The following CXXC5 variants were observed in gnomAD, a reference collection of about 807,000 sequenced individuals.
CXXC5 encodes the protein CXXC finger protein 5.
CXXC5 carries 2 observed loss-of-function variants against 17.6 expected under a neutral mutation model. The observed-to-expected ratio is 0.11, with a 90% CI of 0.05 to 0.36. The LOEUF is 0.36. CXXC5 is among the 10% of genes least tolerant of loss of function. CXXC5 has a pLI of 1.00. For synonymous variants in CXXC5, 171 were observed against 193.0 expected (o/e 0.89, Z 0.94); for missense variants, 343 against 458.3 (o/e 0.75, Z 2.30).
intron 1 of CXXC5, among the ~76,000 whole-genome samples, chr5:139,650,292 C>T (rs1170218196): frequency 2.0e-5 from 3 of 152,028 alleles, no homozygotes; most frequent in Admixed American, 2.0e-4. Context: ...GTCGCGCCTT[C>T]GGATGGGGGG....
At chr5:139,656,603 A>C (rs1755509232) in intron 1 of CXXC5, among the ~76,000 whole-genome samples, 1 of 152,230 alleles carries the variant, frequency 6.6e-6, no homozygotes, top group Non-Finnish European at 1.5e-5. Flanking sequence ...CCAGCCTTGC[A>C]ATGGGATATG....
At chr5:139,652,327 C>T (rs1435850238) in intron 1 of CXXC5, among the ~76,000 whole-genome samples, 1 of 152,100 alleles carries the variant, frequency 6.6e-6, no homozygotes, top group Non-Finnish European at 1.5e-5. Flanking sequence ...CAAGAATATC[C>T]CACTAAAGTT....
chr5:139,681,187 A>G lies in CXXC5; in HGVS notation c.664A>G (p.Ile222Val). 1 of 1,612,884 alleles carries G rather than the reference A, an allele frequency of 6.2e-7. No homozygotes were observed. Residue 222 changes from isoleucine (I) to valine (V), a missense_variant, in exon 2 of 3, where the codon ATT becomes GTT. Physicochemically the swap from Ile to Val is conservative, Grantham distance 29. Transcript: ENST00000302517. ...TTTCCCCATCAACCCAGGCCTCTTC[A>G]TTATGACCCCGGCAGGTGTGTTCCT... is the stretch of plus-strand genomic sequence containing the variant. Reference protein sequence around the residue: ...GAFPINPGLFIMTPAGVFLAE... With the variant: ...GAFPINPGLFVMTPAGVFLAE...
upstream of CXXC5, among the ~76,000 whole-genome samples, chr5:139,647,664 C>A (rs770158860): frequency 6.6e-6 from 1 of 152,180 alleles, no homozygotes; most frequent in Non-Finnish European, 1.5e-5. Flanking sequence ...TCTCAGGGCA[C>A]CAAATGTACG....
intron 1 of CXXC5, among the ~76,000 whole-genome samples, chr5:139,665,301 G>T (rs1756045832): frequency 6.6e-6 from 1 of 152,268 alleles, no homozygotes; most frequent in Non-Finnish European, 1.5e-5. Flanking sequence ...CGCGGTGCTT[G>T]TGCTGCTACT....
rs1260707571 is a variant in CXXC5, at chr5:139,658,675, C to A, written c.-161+9830C>A. On this transcript the variant is annotated intron_variant, in intron 1 of 2. Transcript: ENST00000302517. The surrounding 1 kb of genome is among the most constrained non-coding windows in gnomAD (Gnocchi z 4.1). ...AGGAGGAAATGCAGGCTGTTGCTTC[C>A]AGCAACAGCCGGCAGGGCCGGGCGG... is the stretch of plus-strand genomic sequence containing the variant. 6.6e-6 allele frequency among the ~76,000 whole-genome samples: 1 copy of A among 152,202 alleles called. No homozygotes were observed. Among genetic ancestry groups the A allele is most frequent in the Non-Finnish European group, 1.5e-5 (1 of 68,030 alleles).
intron 1 of CXXC5, among the ~76,000 whole-genome samples, chr5:139,662,988 C>T (rs1248497856): frequency 6.6e-6 from 1 of 152,184 alleles, no homozygotes; most frequent in Non-Finnish European, 1.5e-5. Flanking sequence ...TCCACTAGAC[C>T]TGGCATTTTT....
At position 139,681,132 on chromosome 5, in the gene CXXC5, T is replaced by C. The variant is rs759113157; in HGVS notation, c.609T>C (p.Asn203=). The part of the protein sequence containing the change: ...MEAVAGAEAL[N]GQSDFPYLGA... ...CTGTGGCAGGTGCCGAAGCCCTCAA[T>C]GGCCAGTCCGACTTCCCCTACCTGG... The change falls in exon 2 of 3, where the codon AAT becomes AAC. Residue 203 remains asparagine, a synonymous_variant. Coordinates refer to ENST00000302517, the MANE Select transcript of CXXC5 (RefSeq NM_016463.9). 20 of 1,612,818 alleles carry C rather than the reference T, an allele frequency of 1.2e-5. No homozygotes were observed. In the South Asian group the frequency reaches 1.6e-4, roughly 13 times the overall value.
Position 139,681,351 on chromosome 5 carries a change from G to A in CXXC5, c.828G>A (p.Glu276=), listed in dbSNP as rs1238027112. 5 of 1,606,486 alleles carry A rather than the reference G, an allele frequency of 3.1e-6. No individual in the cohort carries two copies. The African/African-American group carries it at 6.7e-5, about 21-fold the overall frequency. ...CCTGCCGGCGGCGCATCAACTGCGA[G>A]CAGTGCAGCAGTTGTAGGAATCGAA... is the stretch of plus-strand genomic sequence containing the variant. ...CAPCRRRINC[E]QCSSCRNRKT... is the part of the protein sequence containing the mutation. Residue 276 remains glutamate (E), a synonymous_variant, in exon 2 of 3, where the codon GAG becomes GAA. Transcript: ENST00000302517.
intron 1 of CXXC5, among the ~76,000 whole-genome samples, chr5:139,672,008 G>A (rs959541098): frequency 1.3e-5 from 2 of 152,224 alleles, no homozygotes; most frequent in African/African-American, 4.8e-5. Flanking sequence ...AATAATTGTA[G>A]TAGAATCCGG....
At position 139,668,878 on chromosome 5, in the gene CXXC5, G is replaced by A. The variant is rs556248424; in HGVS notation, c.-160-11486G>A. On this transcript the variant is annotated intron_variant, in intron 1 of 2. Coordinates refer to ENST00000302517, the MANE Select transcript of CXXC5 (RefSeq NM_016463.9). This position sits in a 1 kb window ranked among gnomAD's most constrained non-coding sequence, Gnocchi z 4.1. ...ACCTTATGTAGAGTCCTTAGCCTCG[G>A]TTTCCCCGTTTGTAAACCATCAGCA... is the stretch of plus-strand genomic sequence containing the variant. 1.1e-4 allele frequency among the ~76,000 whole-genome samples: 16 copies of A among 152,300 alleles called. No individual in the cohort carries two copies. In the South Asian group the frequency reaches 2.7e-3, roughly 26 times the overall value.
At chr5:139,649,827 C>T (rs1755069206) in intron 1 of CXXC5, 1 of 152,296 alleles carries the variant, frequency 6.6e-6, no homozygotes, top group Admixed American at 6.5e-5. Flanking sequence ...TCGGCCCGAC[C>T]CCCCTCCCCT....
In CXXC5 at chr5:139,683,092, G is replaced by C. The variant is rs2126837006; in HGVS notation, c.*185G>C. 2.2e-6 allele frequency: 1 copy of C among 448,836 alleles called. No individual in the cohort carries two copies. Among genetic ancestry groups the C allele is most frequent in the Non-Finnish European group, 3.7e-6 (1 of 272,100 alleles). The allele number at this position is 448,836 out of a possible 1,614,324, so 27.8% of individuals were successfully genotyped here. ...TCGTTTTAACATCTCCACGTCCCTA[G>C]CATAAAAAGAAAAAGAAAAAAATTT... is the stretch of plus-strand genomic sequence containing the variant. On this transcript the variant is annotated 3_prime_UTR_variant, in exon 3 of 3. Coordinates refer to ENST00000302517, the MANE Select transcript of CXXC5 (RefSeq NM_016463.9).
rs1222613070 is a variant in CXXC5 at position 139,681,030 on chromosome 5, A to G, written c.507A>G (p.Thr169=). The G allele has an allele frequency of 1.9e-6, 3 of 1,608,870 alleles. No individual in the cohort carries two copies. The highest frequency in any genetic ancestry group is 2.5e-6 in the Non-Finnish European group (3 of 1,179,962). The change falls in exon 2 of 3, where the codon ACA becomes ACG. Residue 169 remains threonine (T), a synonymous_variant. Transcript: ENST00000302517. The part of the protein sequence containing the change: ...QLTLQQFAQS[T]EMLKRVVQEH... Reference sequence around the variant, plus strand: ...CGCTGCAGCAGTTTGCGCAGTCCACAGAGATGCTGAAGCGCGTGGTGCAGG... The same window carrying G: ...CGCTGCAGCAGTTTGCGCAGTCCACGGAGATGCTGAAGCGCGTGGTGCAGG...
At chr5:139,669,809 G>A (rs536015464) in intron 1 of CXXC5, among the ~76,000 whole-genome samples, 286 of 152,206 alleles carry the variant, frequency 1.9e-3, no homozygotes, top group African/African-American at 6.4e-3. Flanking sequence ...ACCTGAGGGC[G>A]GGGGCACCCT....
At chr5:139,656,132 G>A (rs993640432) in intron 1 of CXXC5, among the ~76,000 whole-genome samples, 1 of 152,272 alleles carries the variant, frequency 6.6e-6, no homozygotes, top group Admixed American at 6.5e-5. Context: ...ATGCCAGTAC[G>A]GGCGTAATGT....
In CXXC5 at chr5:139,664,864, C is replaced by T. The variant is rs563707098; in HGVS notation, c.-160-15500C>T. Among the ~76,000 whole-genome samples the T allele has an allele frequency of 1.4e-4, 21 of 152,336 alleles. No individual in the cohort carries two copies. In the East Asian group the frequency reaches 4.1e-3, roughly 29 times the overall value. On this transcript the variant is annotated intron_variant, in intron 1 of 2. Coordinates refer to ENST00000302517, the MANE Select transcript of CXXC5 (RefSeq NM_016463.9). Reference sequence around the variant, plus strand: ...ACCAGTGCCCCACTCAGCTCTGAGCCTCAGTGTCCTCATCTGCAAAATGGG... The same window carrying T: ...ACCAGTGCCCCACTCAGCTCTGAGCTTCAGTGTCCTCATCTGCAAAATGGG...
At chr5:139,682,717 G>C in intron 2 of CXXC5, 146 bp from the exon 3 acceptor site, 1 of 766,438 alleles carries the variant, frequency 1.3e-6, no homozygotes, top group Non-Finnish European at 1.9e-6. Context: ...GGCCTGGCTG[G>C]GGTGGCAGGA....
chr5:139,669,230 G>A (rs1305383357), intron 1 of CXXC5, among the ~76,000 whole-genome samples: 2 of 152,174 alleles, frequency 1.3e-5, no homozygotes, highest in Non-Finnish European at 2.9e-5. Flanking sequence ...CGCTCTAAGC[G>A]TGAGCTCACA....
Sources: allele counts gnomAD v4.1 joint callset (sites outside exome capture counted in the v4.1 genomes callset), GRCh38; gene constraint gnomAD v4.1.1; non-coding constraint Gnocchi (gnomAD v3.1); transcripts MANE v1.5; gene names NCBI Gene and HGNC (gene_info 2026-07-23, HGNC 2026-07-21).